TBC1D12: variants seen among roughly 807,000 people sequenced by gnomAD.
TBC1D12 encodes TBC1 domain family, member 12.
In TBC1D12, 56 loss-of-function variants were observed where a neutral mutation model predicts 86.7. That is an observed-to-expected ratio of 0.65 (90% confidence interval 0.52 to 0.81). The LOEUF is 0.81. TBC1D12 is among the 30% of genes least tolerant of loss of function. TBC1D12 has a pLI of 0.00. For missense variants in TBC1D12, 1,023 were observed against 1,038.8 expected, an observed-to-expected ratio of 0.98 and a Z score of 0.21; for synonymous variants, 421 against 411.7, an observed-to-expected ratio of 1.02 and a Z score of -0.27.
At chr10:94,457,090 A>C (rs1361106864) in intron 2 of TBC1D12, among the ~76,000 whole-genome samples, 1 of 152,028 alleles carries the variant, frequency 6.6e-6, no homozygotes, top group Admixed American at 6.6e-5. Flanking sequence ...ATTTTAACCT[A>C]ATTTAATTTA....
intron 6 of TBC1D12, among the ~76,000 whole-genome samples, chr10:94,504,809 GATA>G (rs957907132): frequency 2.3e-4 from 35 of 152,112 alleles, no homozygotes; most frequent in African/African-American, 8.0e-4. Context: ...TGAGAGTATG[GATA>G]ATATCATAAT....
At chr10:94,517,614 T>C (rs898935637) in intron 9 of TBC1D12, among the ~76,000 whole-genome samples, 2 of 152,200 alleles carry the variant, frequency 1.3e-5, no homozygotes, top group Non-Finnish European at 2.9e-5. Flanking sequence ...ACCATATAAC[T>C]TAACTGGTGG....
At chr10:94,514,644 C>T (rs538811706) in intron 9 of TBC1D12, among the ~76,000 whole-genome samples, 1 of 152,324 alleles carries the variant, frequency 6.6e-6, no homozygotes, top group South Asian at 2.1e-4. Flanking sequence ...TACATACACA[C>T]ACTCTCTCAT....
chr10:94,498,019 T>C (rs896149085), intron 5 of TBC1D12, among the ~76,000 whole-genome samples: 12 of 152,044 alleles, frequency 7.9e-5, no homozygotes, highest in Non-Finnish European at 1.6e-4. Flanking sequence ...AGACGGGGTT[T>C]CACCATTCAC....
At chr10:94,487,694 CTTT>C (rs35682157) in intron 3 of TBC1D12, among the ~76,000 whole-genome samples, 23 of 127,324 alleles carry the variant, frequency 1.8e-4, no homozygotes, top group Non-Finnish European at 2.3e-4. Flanking sequence ...TGTTGTTTCT[CTTT>C]TTTTTTTTTT....
intron 1 of TBC1D12, among the ~76,000 whole-genome samples, chr10:94,436,435 G>A (rs1420987687): frequency 6.6e-6 from 1 of 151,848 alleles, no homozygotes; most frequent in African/African-American, 2.4e-5. Flanking sequence ...TGCCCGCCCA[G>A]GTCCTTTATT....
intron 11 of TBC1D12, among the ~76,000 whole-genome samples, chr10:94,522,827 C>T (rs1173163422): frequency 2.0e-5 from 3 of 151,752 alleles, no homozygotes; most frequent in Admixed American, 1.3e-4. Flanking sequence ...GGGTGGATCA[C>T]GAGGTCAGGA....
intron 6 of TBC1D12, among the ~76,000 whole-genome samples, chr10:94,505,910 G>T (rs1340210836): frequency 1.3e-5 from 2 of 152,066 alleles, no homozygotes; most frequent in Admixed American, 1.3e-4. Context: ...TTTTAAAAAG[G>T]ATTATATATT....
intron 12 of TBC1D12, 120 bp downstream of exon 12, chr10:94,531,580 C>A: frequency 9.4e-7 from 1 of 1,062,640 alleles, no homozygotes; most frequent in Non-Finnish European, 1.2e-6. Flanking sequence ...TAATTTTTGA[C>A]TTCTAAGAAG....
chr10:94,470,223 G>A (rs1360984646), intron 2 of TBC1D12, among the ~76,000 whole-genome samples: 2 of 152,072 alleles, frequency 1.3e-5, no homozygotes, highest in South Asian at 2.1e-4. Context: ...TTAACTGATT[G>A]TATGGAATAT....
intron 9 of TBC1D12, among the ~76,000 whole-genome samples, chr10:94,514,822 G>T (rs1353408901): frequency 6.7e-6 from 1 of 148,912 alleles, no homozygotes; most frequent in Non-Finnish European, 1.5e-5. Flanking sequence ...TCTATTTTTA[G>T]TTTTTTTTGA....
chr10:94,498,963 G>A (rs1236992241), intron 5 of TBC1D12, among the ~76,000 whole-genome samples: 1 of 151,936 alleles, frequency 6.6e-6, no homozygotes. Context: ...TAGATATGGG[G>A]TCTCACTGTG....
At position 94,402,998 on chromosome 10, in the gene TBC1D12, C is replaced by G; in HGVS notation, c.385C>G (p.Arg129Gly). 6.3e-7 allele frequency: 1 copy of G among 1,575,722 alleles called. No homozygotes were observed. The highest frequency in any genetic ancestry group is 8.6e-7 in the Non-Finnish European group (1 of 1,165,334). ...GGAGGTGGCTGATGGCCGCGCGCCGCGGCACGAAGGCATGACCAACGGCGA... is the reference window on the plus strand; with the variant it reads ...GGAGGTGGCTGATGGCCGCGCGCCGGGGCACGAAGGCATGACCAACGGCGA... ...GAEVADGRAP[R>G]HEGMTNGDSG... The change falls in exon 1 of 13, where the codon CGG becomes GGG. Residue 129 changes from arginine to glycine, a missense_variant. Physicochemically the swap from Arg to Gly is moderately radical, Grantham distance 125. Coordinates refer to ENST00000225235, the MANE Select transcript of TBC1D12 (RefSeq NM_015188.2).
chr10:94,441,549 G>A (rs1279509477), intron 1 of TBC1D12, among the ~76,000 whole-genome samples: 1 of 151,960 alleles, frequency 6.6e-6, no homozygotes, highest in Non-Finnish European at 1.5e-5. Context: ...TTCTGTTGAT[G>A]ATTCTTCTAA....
At chr10:94,404,249 C>G (rs1241379136) in intron 1 of TBC1D12, among the ~76,000 whole-genome samples, 2 of 152,160 alleles carry the variant, frequency 1.3e-5, no homozygotes, top group East Asian at 3.8e-4. Flanking sequence ...CTAAGGAAAG[C>G]CTTTTTTCTA....
intron 3 of TBC1D12, among the ~76,000 whole-genome samples, chr10:94,480,961 A>G (rs1401797869): frequency 6.6e-6 from 1 of 151,938 alleles, no homozygotes; most frequent in Non-Finnish European, 1.5e-5. Flanking sequence ...GCATGAAAAC[A>G]ACATTCATCT....
intron 1 of TBC1D12, among the ~76,000 whole-genome samples, chr10:94,410,022 G>A (rs1023009605): frequency 6.6e-6 from 1 of 152,110 alleles, no homozygotes; most frequent in Admixed American, 6.5e-5. Context: ...TTTATTTGGG[G>A]AGTGGTTGTG....
At chr10:94,459,253 A>C (rs1201853076) in intron 2 of TBC1D12, among the ~76,000 whole-genome samples, 1 of 151,836 alleles carries the variant, frequency 6.6e-6, no homozygotes, top group East Asian at 1.9e-4. Flanking sequence ...CACTAGATTA[A>C]CTAGACACAG....
intron 3 of TBC1D12, among the ~76,000 whole-genome samples, chr10:94,489,929 C>G (rs972241340): frequency 1.3e-5 from 2 of 152,124 alleles, no homozygotes; most frequent in African/African-American, 4.8e-5. Context: ...ATAACAGATA[C>G]AATGATAATG....
Sources: gnomAD v4.1 joint callset for allele counts (sites outside exome capture counted in the v4.1 genomes callset) on GRCh38, gnomAD v4.1.1 for gene constraint, MANE v1.5 for transcripts, NCBI Gene and HGNC (gene_info 2026-07-23, HGNC 2026-07-21) for gene names.